CFAP92: variants seen among roughly 807,000 people sequenced by gnomAD.
CFAP92 encodes the protein cilia and flagella associated protein 92 (putative), also known as uncharacterized protein CFAP92.
In CFAP92, 86 loss-of-function variants were observed where a neutral mutation model predicts 106.3. That is an observed-to-expected ratio of 0.81 (90% CI 0.68 to 0.97). The LOEUF is 0.97. Ranked by LOEUF, CFAP92 falls within the 50% of genes least tolerant of loss-of-function variation. The pLI is 0.00. For synonymous variants in CFAP92, 477 were observed against 506.4 expected (o/e 0.94, Z 0.78); for missense variants, 1,204 against 1,283.8 (o/e 0.94, Z 0.95).
upstream of CFAP92, among the ~76,000 whole-genome samples, chr3:128,994,677 CTG>C (rs1351582849): frequency 6.6e-6 from 1 of 152,196 alleles, no homozygotes; most frequent in Non-Finnish European, 1.5e-5. Context: ...GGGCGCAGCA[CTG>C]TGTTGAAATC....
Position 128,915,114 on chromosome 3 carries a change from G to A in CFAP92, c.3280+5C>T. ...GGCCCAGCTTGGCAAACCCTTGCCTGTTACCTGTTACAGGCTTTGGTGCGG... is the reference window on the plus strand; with the variant it reads ...GGCCCAGCTTGGCAAACCCTTGCCTATTACCTGTTACAGGCTTTGGTGCGG... On this transcript the variant is annotated splice_donor_5th_base_variant and intron_variant, in intron 15 of 15. Transcript: ENST00000645291. 4 of 1,535,492 alleles carry A rather than the reference G, an allele frequency of 2.6e-6. No individual in the cohort carries two copies. Among genetic ancestry groups the A allele is most frequent in the Admixed American group, 2.0e-5 (1 of 50,994 alleles).
chr3:129,013,165 A>AT, the CFAP92 span, among the ~76,000 whole-genome samples: 103 of 152,254 alleles, frequency 6.8e-4, no homozygotes, highest in Middle Eastern at 0.01. Context: ...GCTCTGGAGG[A>AT]CACAAGGGGG....
chr3:128,912,485 C>T (rs1936445515), intron 15 of CFAP92: 3 of 1,601,144 alleles, frequency 1.9e-6, no homozygotes, highest in Admixed American at 1.7e-5. Context: ...GATCACCCAC[C>T]ATCTCTCCTT....
At chr3:128,962,471 T>C (rs913416369) in intron 9 of CFAP92, among the ~76,000 whole-genome samples, 3 of 152,114 alleles carry the variant, frequency 2.0e-5, no homozygotes, top group Non-Finnish European at 4.4e-5. Flanking sequence ...GACCGAGATA[T>C]TTTAACCAAA....
chr3:128,975,363 G>C (rs965130310), intron 7 of CFAP92, among the ~76,000 whole-genome samples: 1 of 152,152 alleles, frequency 6.6e-6, no homozygotes, highest in Non-Finnish European at 1.5e-5. Context: ...TGGATGATGA[G>C]GGTGAGTGAA....
At chr3:128,918,053 CT>C (rs1406314852) in intron 12 of CFAP92, among the ~76,000 whole-genome samples, 2 of 152,224 alleles carry the variant, frequency 1.3e-5, no homozygotes, top group African/African-American at 4.8e-5. Flanking sequence ...AAAACTATCA[CT>C]TGTGATCAGA....
chr3:128,935,273 G>T lies in CFAP92; in HGVS notation c.2305C>A (p.Gln769Lys). The T allele has an allele frequency of 2.0e-6, 3 of 1,535,880 alleles. No homozygotes were observed. Among genetic ancestry groups the T allele is most frequent in the South Asian group, 1.2e-5 (1 of 84,038 alleles). Residue 769 changes from glutamine to lysine, a missense_variant, in exon 11 of 16, where the codon CAG becomes AAG. Physicochemically the swap from Gln to Lys is moderately conservative, Grantham distance 53 (BLOSUM62 1). Coordinates refer to ENST00000645291, the MANE Select transcript of CFAP92 (RefSeq NM_001394090.1). ...HRKYKVLYNS[Q>K]LLFRSRLYGD... is the part of the protein sequence containing the mutation. The stretch of plus-strand genomic sequence containing the variant: ...TAGAGCCGGCTGCGGAACAGCAGCT[G>T]TGAGTTGTACAGCACCTTGTATTTC...
chr3:129,022,110 C>T, the CFAP92 span, among the ~76,000 whole-genome samples: 1 of 152,134 alleles, frequency 6.6e-6, no homozygotes, highest in Non-Finnish European at 1.5e-5. Flanking sequence ...CCTCTAGGAT[C>T]AATGTCATTT....
intron 12 of CFAP92, among the ~76,000 whole-genome samples, chr3:128,932,365 G>A (rs1055075049): frequency 7.7e-5 from 10 of 129,310 alleles, no homozygotes; most frequent in African/African-American, 2.9e-4. Context: ...CCTGAGCAGC[G>A]TAAGCAACAT....
At chr3:128,948,677 G>A (rs933617505) in intron 9 of CFAP92, among the ~76,000 whole-genome samples, 5 of 151,174 alleles carry the variant, frequency 3.3e-5, no homozygotes, top group South Asian at 4.2e-4. Context: ...TTACAGGCAC[G>A]CGCCACCAGG....
Position 128,945,811 on chromosome 3 carries a change from G to C in CFAP92, c.1518C>G (p.Pro506=). ...SDLREYLEGP[P]MVVEVHDRDR... The stretch of plus-strand genomic sequence containing the variant: ...CCCGGTCGTGAACTTCCACCACCAT[G>C]GGGGGGCCCTCCAGGTATTCCCTTA... Residue 506 remains proline, a synonymous_variant, in exon 10 of 16, where the codon CCC becomes CCG. Coordinates refer to ENST00000645291, the MANE Select transcript of CFAP92 (RefSeq NM_001394090.1). 1 of 1,521,636 alleles carries C rather than the reference G, an allele frequency of 6.6e-7. No homozygotes were observed. Among genetic ancestry groups the C allele is most frequent in the Non-Finnish European group, 8.8e-7 (1 of 1,140,190 alleles). The allele number at this position is 1,521,636 out of a possible 1,614,324, so 94.3% of individuals were successfully genotyped here.
chr3:128,987,160 C>T (rs1436541266), intron 4 of CFAP92, among the ~76,000 whole-genome samples: 2 of 150,820 alleles, frequency 1.3e-5, no homozygotes, highest in Admixed American at 6.6e-5. Context: ...GACTCCATCT[C>T]GAAAGAAAAA....
At chr3:128,965,440 A>G in intron 9 of CFAP92, 71 bp downstream of exon 9, 1 of 398,622 alleles carries the variant, frequency 2.5e-6, no homozygotes, top group Non-Finnish European at 4.4e-6. Context: ...GGAGGACTAG[A>G]GGTGGCATGT....
chr3:129,026,509 C>G, the CFAP92 span, among the ~76,000 whole-genome samples: 1,347 of 152,330 alleles, frequency 8.8e-3, 21 homozygotes, highest in African/African-American at 0.03. Flanking sequence ...CACAGCACAT[C>G]CATCATTCTT....
chr3:128,916,456 T>C (rs1184741357), intron 12 of CFAP92, among the ~76,000 whole-genome samples, 185 bp from the exon 13 acceptor site: 1 of 152,148 alleles, frequency 6.6e-6, no homozygotes, highest in Non-Finnish European at 1.5e-5. Context: ...CCTCTCACTA[T>C]CCAAAATGGA....
At chr3:129,009,861 C>T in the CFAP92 span, among the ~76,000 whole-genome samples, 4 of 152,272 alleles carry the variant, frequency 2.6e-5, no homozygotes, top group African/African-American at 4.8e-5. Context: ...GGAGTGGTTT[C>T]GGGGGGACTC....
At chr3:128,974,141 C>T (rs1576589903) in intron 7 of CFAP92, among the ~76,000 whole-genome samples, 1 of 152,190 alleles carries the variant, frequency 6.6e-6, no homozygotes, top group South Asian at 2.1e-4. Flanking sequence ...AACTGTGTCT[C>T]CAGCACCCAG....
At chr3:129,003,857 G>T, upstream of CFAP92, 1 of 1,445,326 alleles carries the variant, frequency 6.9e-7, no homozygotes, top group Non-Finnish European at 9.1e-7. Flanking sequence ...GGAGGCTGCG[G>T]TGCGGGAGCT....
At chr3:128,924,665 C>T (rs1464153513) in intron 12 of CFAP92, among the ~76,000 whole-genome samples, 3 of 151,392 alleles carry the variant, frequency 2.0e-5, no homozygotes, top group Admixed American at 2.0e-4. Context: ...CAGGCTAGTC[C>T]CGAACTCCCA....
Sources: allele counts gnomAD v4.1 joint callset (sites outside exome capture counted in the v4.1 genomes callset), GRCh38; gene constraint gnomAD v4.1.1; transcripts MANE v1.5; gene names NCBI Gene and HGNC (gene_info 2026-07-23, HGNC 2026-07-21).